Variants in HOXB3 observed in about 807,000 individuals in gnomAD.
The protein encoded by HOXB3 is homeobox protein Hox-B3.
A neutral mutation model predicts 29.2 loss-of-function variants in HOXB3; 17 were observed. The ratio of observed to expected loss-of-function variants is 0.58; its 90% CI spans 0.40 to 0.87. The LOEUF (loss-of-function observed/expected upper bound fraction) is 0.87, where lower values mean the gene tolerates loss of function less well. Among genes scored for constraint, HOXB3 ranks in the 40% least tolerant of loss-of-function variants. The pLI, the probability that HOXB3 is intolerant of heterozygous loss-of-function variation, is 0.00. For missense variants in HOXB3, 637 were observed against 616.3 expected (o/e 1.03, Z -0.35); for synonymous variants, 317 against 285.9 (o/e 1.11, Z -1.10).
chr17:48,579,436 G>GT (rs946022021), intron 1 of HOXB3: 1 of 152,734 alleles, frequency 6.5e-6, no homozygotes, highest in Non-Finnish European at 1.5e-5. Flanking sequence ...AGGTCATCTT[G>GT]TTCTGAACTG....
In HOXB3 at chr17:48,552,572, C is replaced by CG. The variant is rs1491313615; in HGVS notation, c.-99_-98insC. 2 of 128,762 alleles carry CG rather than the reference C, an allele frequency of 1.6e-5. No homozygotes were observed. The highest frequency in any genetic ancestry group is 1.4e-4 in the East Asian group (1 of 7,190). The allele number at this position is 128,762 out of a possible 1,614,324, so 8.0% of individuals were successfully genotyped here. ...CCTGGGGGTCACGTGACACGCCGGA[C>CG]CCCCCCCCCCCACCTCCCCTCTCTG... On this transcript the variant is annotated 5_prime_UTR_variant, in exon 4 of 5. The change creates a premature stop within an existing upstream ORF in the 5' untranslated region. Transcript: ENST00000498678.
intron 1 of HOXB3, among the ~76,000 whole-genome samples, chr17:48,589,406 T>C (rs568566112): frequency 6.6e-6 from 1 of 152,202 alleles, no homozygotes; most frequent in Admixed American, 6.5e-5. Flanking sequence ...AGGTTTTGAA[T>C]TGGGGGAATT....
At chr17:48,569,005 G>A (rs2069487123) in intron 2 of HOXB3, among the ~76,000 whole-genome samples, 1 of 151,922 alleles carries the variant, frequency 6.6e-6, no homozygotes, top group African/African-American at 2.4e-5. Flanking sequence ...TCCGGCTGCG[G>A]GGCTGTTTTA....
intron 1 of HOXB3, chr17:48,579,962 AT>A: frequency 2.0e-6 from 1 of 510,224 alleles, no homozygotes; most frequent in Non-Finnish European, 4.0e-6. Flanking sequence ...TGGCCCAGAA[AT>A]TTTCCAGTTC....
chr17:48,589,200 GAA>G (rs1313353949), intron 1 of HOXB3, among the ~76,000 whole-genome samples: 1 of 152,140 alleles, frequency 6.6e-6, no homozygotes, highest in African/African-American at 2.4e-5. Context: ...AAAGAAGAGG[GAA>G]AAAGAGAGGA....
At chr17:48,560,112 C>A (rs76844357) in intron 2 of HOXB3, 4,687 of 152,656 alleles carry the variant, frequency 0.031, 116 homozygotes, top group African/African-American at 0.071. Context: ...GTGGGCAGAG[C>A]AGAGAAGGCA....
intron 2 of HOXB3, among the ~76,000 whole-genome samples, chr17:48,566,796 A>G (rs957933562): frequency 6.6e-6 from 1 of 152,138 alleles, no homozygotes; most frequent in Non-Finnish European, 1.5e-5. Flanking sequence ...ACTCTGGACC[A>G]CCGGTTTGAG....
intron 1 of HOXB3, among the ~76,000 whole-genome samples, chr17:48,582,879 A>G (rs1474384078): frequency 6.6e-6 from 1 of 152,126 alleles, no homozygotes; most frequent in Non-Finnish European, 1.5e-5. Flanking sequence ...GTGGGGTTTC[A>G]TGTGGGATCC....
chr17:48,588,257 A>G (rs1403280879), intron 1 of HOXB3, among the ~76,000 whole-genome samples: 2 of 152,240 alleles, frequency 1.3e-5, no homozygotes, highest in Non-Finnish European at 2.9e-5. Flanking sequence ...CATCTTCTCC[A>G]GGACCTGCTT....
chr17:48,578,082 G>T, intron 1 of HOXB3: 3 of 1,036,124 alleles, frequency 2.9e-6, no homozygotes, highest in Non-Finnish European at 3.7e-6. Context: ...GGCGGCGGGG[G>T]TGGTGGCGGA....
intron 4 of HOXB3, 126 bp downstream of exon 4, chr17:48,551,901 T>C (rs1000767432): frequency 5.6e-5 from 48 of 857,576 alleles, no homozygotes; most frequent in South Asian, 8.2e-5. Flanking sequence ...ATCAAAAATG[T>C]ACCCGCTGGC....
intron 1 of HOXB3, chr17:48,578,373 T>TC: frequency 6.4e-7 from 1 of 1,568,336 alleles, no homozygotes; most frequent in Non-Finnish European, 8.6e-7. Flanking sequence ...GACCCCTGAC[T>TC]CGTTTTCCTG....
intron 1 of HOXB3, among the ~76,000 whole-genome samples, chr17:48,586,359 G>A (rs2070045423): frequency 6.6e-6 from 1 of 152,194 alleles, no homozygotes; most frequent in Non-Finnish European, 1.5e-5. Context: ...CTTGGAGCCT[G>A]CAATCAGTAA....
At chr17:48,576,724 A>G (rs376222523) in intron 1 of HOXB3, 61 of 1,526,942 alleles carry the variant, frequency 4.0e-5, no homozygotes, top group African/African-American at 5.7e-5. Flanking sequence ...CGGGGGCACT[A>G]GAGCGCGCGG....
intron 1 of HOXB3, among the ~76,000 whole-genome samples, chr17:48,588,105 G>C (rs539620008): frequency 1.3e-4 from 20 of 152,192 alleles, no homozygotes; most frequent in Non-Finnish European, 2.5e-4. Context: ...CAGAGGTCTG[G>C]GGCAGAGGAG....
chr17:48,569,976 C>T (rs1017965551), intron 2 of HOXB3, among the ~76,000 whole-genome samples: 3 of 152,206 alleles, frequency 2.0e-5, no homozygotes, highest in Admixed American at 6.5e-5. Context: ...AAGAATCGGA[C>T]TGTCAGCCTC....
intron 1 of HOXB3, chr17:48,581,522 T>C (rs1171066200): frequency 6.6e-6 from 1 of 151,866 alleles, no homozygotes; most frequent in Non-Finnish European, 1.5e-5. Context: ...CCACTTAGGG[T>C]CTCCAGGACC....
At chr17:48,560,398 T>G (rs1254395058) in intron 2 of HOXB3, 1 of 46,742 alleles carries the variant, frequency 2.1e-5, no homozygotes, top group African/African-American at 4.3e-5. Flanking sequence ...CCAGCTCTTT[T>G]GTTTTTTTTT....
chr17:48,566,473 T>C (rs1365042342), intron 2 of HOXB3, among the ~76,000 whole-genome samples: 1 of 106,302 alleles, frequency 9.4e-6, no homozygotes, highest in Admixed American at 1.1e-4. Flanking sequence ...GAAAAGCTGG[T>C]GGAGTGGGGG....
Sources: allele counts gnomAD v4.1 joint callset (sites outside exome capture counted in the v4.1 genomes callset), GRCh38; gene constraint gnomAD v4.1.1; transcripts MANE v1.5; gene names NCBI Gene and HGNC (gene_info 2026-07-23, HGNC 2026-07-21).